Variants in SKAP2 observed in about 807,000 individuals in gnomAD.
The protein encoded by SKAP2 is src kinase-associated phosphoprotein 2.
A neutral mutation model predicts 54.9 loss-of-function variants in SKAP2; 28 were observed. The ratio of observed to expected loss-of-function variants is 0.51; its 90% CI spans 0.38 to 0.70. The LOEUF (loss-of-function observed/expected upper bound fraction) is 0.70. SKAP2 is among the 30% of genes least tolerant of loss of function. The probability of loss-of-function intolerance (pLI) is 0.00; values close to 1 mark genes in which losing one functional copy is unlikely to be tolerated. For missense variants in SKAP2, 356 were observed against 424.1 expected, an observed-to-expected ratio of 0.84 and a Z score of 1.41; for synonymous variants, 137 against 134.3, an observed-to-expected ratio of 1.02 and a Z score of -0.14.
At chr7:26,763,903 G>T (rs1037252767) in intron 4 of SKAP2, among the ~76,000 whole-genome samples, 1 of 152,036 alleles carries the variant, frequency 6.6e-6, no homozygotes, top group African/African-American at 2.4e-5. Context: ...TCTAAACATG[G>T]AAAAGGCACA....
At chr7:26,682,002 T>C (rs933861056) in intron 11 of SKAP2, among the ~76,000 whole-genome samples, 1 of 151,932 alleles carries the variant, frequency 6.6e-6, no homozygotes, top group Non-Finnish European at 1.5e-5. Context: ...AGCCACTAGA[T>C]GGCGTAAAAA....
chr7:26,759,783 A>C (rs1420896701), intron 4 of SKAP2, among the ~76,000 whole-genome samples: 3 of 152,182 alleles, frequency 2.0e-5, no homozygotes, highest in African/African-American at 7.2e-5. Flanking sequence ...ATTTCCTGTT[A>C]TCCCCATCTT....
intron 4 of SKAP2, among the ~76,000 whole-genome samples, chr7:26,821,805 T>C (rs1784389274): frequency 6.6e-6 from 1 of 152,128 alleles, no homozygotes; most frequent in Non-Finnish European, 1.5e-5. Context: ...CTCCCCTTTG[T>C]CCCACCCATC....
At chr7:26,654,883 C>A in the SKAP2 span, among the ~76,000 whole-genome samples, 1 of 152,252 alleles carries the variant, frequency 6.6e-6, no homozygotes, top group East Asian at 1.9e-4. Flanking sequence ...ACAAAGATTC[C>A]TTTTGAATTG....
At chr7:26,787,606 C>T (rs892815855) in intron 4 of SKAP2, among the ~76,000 whole-genome samples, 3 of 152,074 alleles carry the variant, frequency 2.0e-5, no homozygotes, top group South Asian at 2.1e-4. Context: ...GGATTACAGG[C>T]GTGAGCCACC....
chr7:26,808,706 G>A (rs185542704), intron 4 of SKAP2, among the ~76,000 whole-genome samples: 5 of 152,034 alleles, frequency 3.3e-5, no homozygotes, highest in Admixed American at 2.0e-4. Context: ...CCTTGGTTCC[G>A]ATACTTACTA....
chr7:26,703,036 C>G (rs779053616), intron 9 of SKAP2, among the ~76,000 whole-genome samples: 3 of 152,196 alleles, frequency 2.0e-5, no homozygotes, highest in Non-Finnish European at 2.9e-5. Context: ...TTTGGCTGAG[C>G]TGGAGAAGGT....
chr7:26,812,405 T>C (rs991964578), intron 4 of SKAP2, among the ~76,000 whole-genome samples: 1 of 152,148 alleles, frequency 6.6e-6, no homozygotes, highest in African/African-American at 2.4e-5. Context: ...TTCACACCAG[T>C]GCACTTTTCT....
At chr7:26,782,066 G>C (rs1164568738) in intron 4 of SKAP2, among the ~76,000 whole-genome samples, 2 of 152,140 alleles carry the variant, frequency 1.3e-5, no homozygotes, top group Non-Finnish European at 2.9e-5. Context: ...TTCTCCACTA[G>C]ACTTTAAGTT....
At chr7:26,828,252 A>C (rs1240904860) in intron 4 of SKAP2, among the ~76,000 whole-genome samples, 1 of 152,232 alleles carries the variant, frequency 6.6e-6, no homozygotes, top group Non-Finnish European at 1.5e-5. Context: ...TTGCAATGCA[A>C]CAAACATTTC....
At chr7:26,794,721 C>T (rs1198479031) in intron 4 of SKAP2, among the ~76,000 whole-genome samples, 1 of 152,110 alleles carries the variant, frequency 6.6e-6, no homozygotes, top group East Asian at 1.9e-4. Context: ...CCCCCTGCCA[C>T]TGGACTGTAA....
At chr7:26,813,505 T>C (rs1340236833) in intron 4 of SKAP2, among the ~76,000 whole-genome samples, 3 of 152,222 alleles carry the variant, frequency 2.0e-5, no homozygotes, top group Admixed American at 6.5e-5. Context: ...AGGAAAACCT[T>C]TGGAGGCAGT....
chr7:26,726,732 T>C (rs895248087), intron 7 of SKAP2, 150 bp downstream of exon 7: 30 of 589,528 alleles, frequency 5.1e-5, no homozygotes, highest in Non-Finnish European at 7.8e-5. Context: ...TTTCCTCTTA[T>C]ATGAATGTTC....
rs35737703 is a variant in SKAP2 at position 26,675,419 on chromosome 7, A to C, written c.988-5227T>G. 3.4e-3 allele frequency among the ~76,000 whole-genome samples: 522 copies of C among 152,286 alleles called. 1 individual carries two copies. The highest frequency in any genetic ancestry group is 7.5e-3 in the Admixed American group (114 of 15,290). On this transcript the variant is annotated intron_variant, in intron 11 of 12. Transcript: ENST00000345317. ...TCTGAATTAGCTAATCCATATTTAT[A>C]TCTCTCATTTCAAGCTAAGCATTTA...
At chr7:26,690,426 A>G in intron 9 of SKAP2, 64 bp from the exon 10 acceptor site, 1 of 1,008,050 alleles carries the variant, frequency 9.9e-7, no homozygotes, top group South Asian at 1.3e-5. Context: ...TACAGTACTC[A>G]CTCAATTTTA....
chr7:26,803,735 T>C (rs982078092), intron 4 of SKAP2, among the ~76,000 whole-genome samples: 2 of 152,144 alleles, frequency 1.3e-5, no homozygotes, highest in African/African-American at 4.8e-5. Context: ...CATAAACAGA[T>C]GACTGGATAA....
intron 4 of SKAP2, among the ~76,000 whole-genome samples, chr7:26,760,615 G>A (rs894882443): frequency 2.0e-5 from 3 of 152,056 alleles, no homozygotes; most frequent in African/African-American, 7.2e-5. Context: ...TGTAATAAAA[G>A]TTAAGTGAAT....
chr7:26,810,197 T>C (rs1784113466), intron 4 of SKAP2, among the ~76,000 whole-genome samples: 1 of 152,062 alleles, frequency 6.6e-6, no homozygotes, highest in African/African-American at 2.4e-5. Context: ...TAGCCAGTCA[T>C]TGTGGTACAC....
At position 26,768,295 on chromosome 7, in the gene SKAP2, TG is replaced by T. The variant is rs199576421; in HGVS notation, c.308-28332del. ...TGCAACCCCTGCTTTTTTTTTTTTT[TG>T]CTTTCCATTTGCTTGATAAATATTC... is the stretch of plus-strand genomic sequence containing the variant. On this transcript the variant is annotated intron_variant, in intron 4 of 12. Transcript: ENST00000345317. 3.0e-3 allele frequency among the ~76,000 whole-genome samples: 422 copies of T among 141,816 alleles called. 11 individuals are homozygous for T. The East Asian group carries it at 0.064, about 21-fold the overall frequency. The allele number at this position is 141,816 out of a possible 152,430, so 93.0% of individuals were successfully genotyped here.
Sources: gnomAD v4.1 joint callset for allele counts (sites outside exome capture counted in the v4.1 genomes callset) on GRCh38, gnomAD v4.1.1 for gene constraint, MANE v1.5 for transcripts, NCBI Gene and HGNC (gene_info 2026-07-23, HGNC 2026-07-21) for gene names.